The following UBXN1 variants were observed in gnomAD, a reference collection of about 807,000 sequenced individuals.
UBXN1 encodes the protein UBX domain-containing protein 1.
A neutral mutation model predicts 42.0 loss-of-function variants in UBXN1; 21 were observed. That is an observed-to-expected ratio of 0.50 (90% CI 0.35 to 0.72). UBXN1 has a LOEUF of 0.72. UBXN1 is among the 30% of genes least tolerant of loss of function. The pLI is 0.00. For missense variants in UBXN1, 374 were observed against 382.2 expected (o/e 0.98, Z 0.18); for synonymous variants, 172 against 142.6 (o/e 1.21, Z -1.47).
In UBXN1 at chr11:62,677,831, G is replaced by C; in HGVS notation, c.484C>G (p.Gln162Glu). The C allele has an allele frequency of 6.2e-7, 1 of 1,614,116 alleles. No homozygotes were observed. Residue 162 changes from glutamine (Q) to glutamate (E), a missense_variant and splice_region_variant, in exon 6 of 9, where the codon CAA becomes GAA. Physicochemically the swap from Gln to Glu is conservative, Grantham distance 29 (BLOSUM62 2). Transcript: ENST00000301935. ...CTCTCGATCTTTTCTCTAACTCTTT[G>C]TCTGAAATGTAGACAAGAAGAAATT... ...REKAEELAARQRVREKIERDK... is the reference protein window; with the variant it reads ...REKAEELAARERVREKIERDK...
chr11:62,678,367 C>T lies in UBXN1; in HGVS notation c.262G>A (p.Glu88Lys). Reference protein sequence around the residue: ...AAGEGKPALSEEERQEQTKRM... With the variant: ...AAGEGKPALSKEERQEQTKRM... ...TTAGTTTGTTCCTGTCTTTCCTCTTCACTCAAAGCGGGTTTGCCTTCTCCG... is the reference window on the plus strand; with the variant it reads ...TTAGTTTGTTCCTGTCTTTCCTCTTTACTCAAAGCGGGTTTGCCTTCTCCG... Residue 88 changes from glutamate to lysine, a missense_variant, in exon 4 of 9, where the codon GAA (glutamate) becomes AAA (lysine). Glu to Lys is a moderately conservative substitution (Grantham distance 56). Coordinates refer to ENST00000301935, the MANE Select transcript of UBXN1 (RefSeq NM_001286077.2). 6.2e-7 allele frequency: 1 copy of T among 1,614,170 alleles called. No individual in the cohort carries two copies. Among genetic ancestry groups the T allele is most frequent in the Non-Finnish European group, 8.5e-7 (1 of 1,180,032 alleles).
At chr11:62,677,040 A>T (rs1945030846) in intron 7 of UBXN1, 35 bp from the exon 8 acceptor site, 7 of 1,578,958 alleles carry the variant, frequency 4.4e-6, no homozygotes, top group Non-Finnish European at 6.0e-6. Flanking sequence ...TATTGTGGGC[A>T]TCAAAACTGA....
At chr11:62,677,231 A>C (rs747880285) in intron 7 of UBXN1, 2 of 622,712 alleles carry the variant, frequency 3.2e-6, no homozygotes, top group African/African-American at 1.8e-5. Flanking sequence ...ATTATACAAA[A>C]GAATCTGGAT....
At position 62,678,723 on chromosome 11, in the gene UBXN1, G is replaced by A. The variant is rs758877383; in HGVS notation, c.80C>T (p.Thr27Ile). The change falls in exon 2 of 9, where the codon ACA becomes ATA. Residue 27 changes from threonine (T) to isoleucine (I), a missense_variant. Physicochemically the swap from Thr to Ile is moderately conservative, Grantham distance 89. Coordinates refer to ENST00000301935, the MANE Select transcript of UBXN1 (RefSeq NM_001286077.2). ...RGRAEKALAL[T>I]GNQGIEAAMD... ...CGCAGCCTCGATGCCCTGGTTCCCT[G>A]TGAGGGCCAGAGCCTTCTCCCTGGG... The A allele has an allele frequency of 9.3e-6, 15 of 1,612,554 alleles. No individual in the cohort carries two copies. The East Asian group carries it at 3.3e-4, about 36-fold the overall frequency.
chr11:62,678,501 G>C lies in UBXN1; in HGVS notation c.214C>G (p.Leu72Val). 2.5e-6 allele frequency: 4 copies of C among 1,612,424 alleles called. No individual in the cohort carries two copies. Among genetic ancestry groups the C allele is most frequent in the Non-Finnish European group, 3.4e-6 (4 of 1,179,382 alleles). ...GTGGACCCTCAGTCAGGACCTTCAA[G>C]GCCGCCTTGCTCTGAGGAAGTGGGC... ...REPTSSEQGGLEGSGSAAGEG... is the reference protein window; with the variant it reads ...REPTSSEQGGVEGSGSAAGEG... Residue 72 changes from leucine to valine, a missense_variant, in exon 3 of 9, where the codon CTT (leucine) becomes GTT (valine). By Grantham distance (32) the Leu-to-Val change is conservative (BLOSUM62 1). Transcript: ENST00000301935.
rs1387504748 is a variant in UBXN1 at position 62,678,045 on chromosome 11, G to A, written c.364C>T (p.Arg122Trp). 2 of 1,614,078 alleles carry A rather than the reference G, an allele frequency of 1.2e-6. No individual in the cohort carries two copies. Among genetic ancestry groups the A allele is most frequent in the Non-Finnish European group, 8.5e-7 (1 of 1,180,028 alleles). Residue 122 changes from arginine (R) to tryptophan (W), a missense_variant, in exon 5 of 9, where the codon CGG becomes TGG. Coordinates refer to ENST00000301935, the MANE Select transcript of UBXN1 (RefSeq NM_001286077.2). ...TCTTGCCCTTGTCTCCTGCGCTGCC[G>A]TTCCCGTTCCAATGCCTCCCGTTCC... is the stretch of plus-strand genomic sequence containing the variant. The part of the protein sequence containing the change: ...REEREALERE[R>W]QRRRQGQELS...
At position 62,678,578 on chromosome 11, in the gene UBXN1, G is replaced by T; in HGVS notation, c.137C>A (p.Pro46His). Reference protein sequence around the residue: ...MDWLMEHEDDPDVDEPLETPL... With the variant: ...MDWLMEHEDDHDVDEPLETPL... ...AGTCTCTAAAGGCTCGTCCACATCG[G>T]GGTCGTCTTCGTGCTCCATCAGCCT... Residue 46 changes from proline to histidine, a missense_variant, in exon 3 of 9, where the codon CCC (proline) becomes CAC (histidine). Pro to His is a moderately conservative substitution (Grantham distance 77). Transcript: ENST00000301935. 1 of 1,611,650 alleles carries T rather than the reference G, an allele frequency of 6.2e-7. No individual in the cohort carries two copies. Among genetic ancestry groups the T allele is most frequent in the Non-Finnish European group, 8.5e-7 (1 of 1,178,274 alleles).
At position 62,677,604 on chromosome 11, in the gene UBXN1, G is replaced by C. The variant is rs1210094688; in HGVS notation, c.565C>G (p.Pro189Ala). 2 of 1,613,218 alleles carry C rather than the reference G, an allele frequency of 1.2e-6. No homozygotes were observed. Among genetic ancestry groups the C allele is most frequent in the African/African-American group, 1.3e-5 (1 of 74,976 alleles). Residue 189 changes from proline to alanine, a missense_variant, in exon 7 of 9, where the codon CCA becomes GCA. By Grantham distance (27) the Pro-to-Ala change is conservative. Transcript: ENST00000301935. ...YGGSVGSQPP[P>A]VAPEPGPVPS... ...ACAGGACCTGGCTCTGGTGCCACTG[G>C]GGGTGGCTGAGAGCCCACACTGCCA...
At chr11:62,677,863 G>A (rs1590859747) in intron 5 of UBXN1, 31 bp from the exon 6 acceptor site, 4 of 1,614,168 alleles carry the variant, frequency 2.5e-6, no homozygotes, top group Middle Eastern at 1.6e-4. Flanking sequence ...AATTAGGTCA[G>A]ACATCAACAA....
At chr11:62,677,056 G>C in intron 7 of UBXN1, 51 bp from the exon 8 acceptor site, 1 of 1,558,552 alleles carries the variant, frequency 6.4e-7, no homozygotes, top group Non-Finnish European at 8.7e-7. Flanking sequence ...ACTGAATGAG[G>C]TGCCCAAGTA....
chr11:62,677,259 A>G, intron 7 of UBXN1: 1 of 611,072 alleles, frequency 1.6e-6, no homozygotes, highest in South Asian at 2.0e-5. Context: ...ACATCACCAG[A>G]TAGCTACATA....
chr11:62,678,138 C>G lies in UBXN1; in HGVS notation c.291-20G>C. Reference sequence around the variant, plus strand: ...AACATCCTGTGTTGCCGAGGGAAAACAGTTCAAGAGAAATGGACAGAGTGG... The same window carrying G: ...AACATCCTGTGTTGCCGAGGGAAAAGAGTTCAAGAGAAATGGACAGAGTGG... On this transcript the variant is annotated intron_variant, in intron 4 of 8. Transcript: ENST00000301935. 2 of 1,612,738 alleles carry G rather than the reference C, an allele frequency of 1.2e-6. No individual in the cohort carries two copies. Among genetic ancestry groups the G allele is most frequent in the Non-Finnish European group, 8.5e-7 (1 of 1,179,108 alleles).
At chr11:62,677,865 C>T (rs1188288898) in intron 5 of UBXN1, 33 bp from the exon 6 acceptor site, 3 of 1,614,100 alleles carry the variant, frequency 1.9e-6, no homozygotes, top group Non-Finnish European at 2.5e-6. Flanking sequence ...TTAGGTCAGA[C>T]ATCAACAAAG....
intron 7 of UBXN1, 87 bp downstream of exon 7, chr11:62,677,431 G>T: frequency 1.5e-6 from 2 of 1,290,690 alleles, no homozygotes; most frequent in South Asian, 1.2e-5. Context: ...TTGGCAAAGG[G>T]CACGTTAACT....
At chr11:62,678,241 A>G (rs1681223646) in intron 4 of UBXN1, 98 bp downstream of exon 4, 3 of 1,605,482 alleles carry the variant, frequency 1.9e-6, no homozygotes, top group Non-Finnish European at 2.6e-6. Flanking sequence ...AAATGCCAAG[A>G]AAGAGGAAAT....
In UBXN1 at chr11:62,678,364, C is replaced by T. The variant is rs767196813; in HGVS notation, c.265G>A (p.Glu89Lys). ...AGEGKPALSEEERQEQTKRML... is the reference protein window; with the variant it reads ...AGEGKPALSEKERQEQTKRML... ...CTCTTAGTTTGTTCCTGTCTTTCCT[C>T]TTCACTCAAAGCGGGTTTGCCTTCT... The change falls in exon 4 of 9, where the codon GAG becomes AAG. Residue 89 changes from glutamate to lysine, a missense_variant. Transcript: ENST00000301935. The T allele has an allele frequency of 1.1e-5, 18 of 1,614,174 alleles. 1 individual carries two copies. In the South Asian group the frequency reaches 1.9e-4, roughly 17 times the overall value.
chr11:62,678,989 C>T lies in UBXN1; in HGVS notation c.-66G>A, dbSNP rs777905808. Reference sequence around the variant, plus strand: ...CGAGAAGGAGGGCGGGAAGGGTCAGCGCGAGGCAACCCGCCCTCGACACCC... The same window carrying T: ...CGAGAAGGAGGGCGGGAAGGGTCAGTGCGAGGCAACCCGCCCTCGACACCC... On this transcript the variant is annotated 5_prime_UTR_variant, in exon 1 of 9. Coordinates refer to ENST00000301935, the MANE Select transcript of UBXN1 (RefSeq NM_001286077.2). The T allele has an allele frequency of 6.6e-7, 1 of 1,513,884 alleles. No homozygotes were observed. The allele number at this position is 1,513,884 out of a possible 1,614,324, so 93.8% of individuals were successfully genotyped here. A position where few individuals can be genotyped will look rare whatever the true frequency, so the allele number is the denominator to read the frequency against.
In UBXN1 at chr11:62,677,016, A is replaced by ATTGT; in HGVS notation, c.652-12_652-11insACAA. The ATTGT allele has an allele frequency of 6.2e-7, 1 of 1,605,190 alleles. No homozygotes were observed. The highest frequency in any genetic ancestry group is 1.1e-5 in the South Asian group (1 of 91,056). On this transcript the variant is annotated splice_polypyrimidine_tract_variant and intron_variant, in intron 7 of 8. Coordinates refer to ENST00000301935, the MANE Select transcript of UBXN1 (RefSeq NM_001286077.2). ...ATCTGGCAGCCTGACCTAAAGGGCA[A>ATTGT]GGGAGATACTCAGTATTGTGGGCAT...
chr11:62,677,931 C>A lies in UBXN1; in HGVS notation c.478G>T (p.Ala160Ser), dbSNP rs1378910752. The A allele has an allele frequency of 6.2e-7, 1 of 1,613,928 alleles. No homozygotes were observed. Among genetic ancestry groups the A allele is most frequent in the Admixed American group, 1.7e-5 (1 of 60,018 alleles). Residue 160 changes from alanine to serine, a missense_variant, in exon 5 of 9, where the codon GCC (alanine) becomes TCC (serine). By Grantham distance (99) the Ala-to-Ser change is moderately conservative (BLOSUM62 1). Transcript: ENST00000301935. ...CATCATTTCCCCTGCCCAGACCTGG[C>A]TGCTAACTCCTCGGCCTTTTCCCTC... Reference protein sequence around the residue: ...RRREKAEELAARQRVREKIER... With the variant: ...RRREKAEELASRQRVREKIER...
Sources: gnomAD v4.1 joint callset for allele counts on GRCh38, gnomAD v4.1.1 for gene constraint, MANE v1.5 for transcripts, NCBI Gene and HGNC (gene_info 2026-07-23, HGNC 2026-07-21) for gene names.